Variants in IGSF11 observed in about 807,000 individuals in gnomAD.
IGSF11 encodes the protein CXADR like 1.
IGSF11 carries 22 observed loss-of-function variants against 41.0 expected under a neutral mutation model. The ratio of observed to expected loss-of-function variants is 0.54; its 90% CI spans 0.38 to 0.77. The LOEUF is 0.77. IGSF11 is among the 30% of genes least tolerant of loss of function. The pLI, the probability that IGSF11 is intolerant of heterozygous loss-of-function variation, is 0.00. For missense variants in IGSF11, 444 were observed against 530.8 expected, an observed-to-expected ratio of 0.84 and a Z score of 1.61; for synonymous variants, 219 against 201.3, an observed-to-expected ratio of 1.09 and a Z score of -0.74.
intron 1 of IGSF11, among the ~76,000 whole-genome samples, chr3:119,027,655 T>C (rs1309048842): frequency 1.3e-5 from 2 of 152,234 alleles, no homozygotes; most frequent in East Asian, 3.8e-4. Context: ...TTTTAATTTC[T>C]AATACAGTAT....
At chr3:118,931,298 T>C (rs573272805) in intron 1 of IGSF11, among the ~76,000 whole-genome samples, 1 of 152,344 alleles carries the variant, frequency 6.6e-6, no homozygotes, top group African/African-American at 2.4e-5. Context: ...TTTCGTTTAC[T>C]AGGAATCTAC....
chr3:119,129,955 A>G (rs935774149), intron 1 of IGSF11, among the ~76,000 whole-genome samples: 5 of 152,190 alleles, frequency 3.3e-5, no homozygotes, highest in Non-Finnish European at 7.3e-5. Flanking sequence ...ACTGCACTCC[A>G]GTATGGGCAA....
intron 1 of IGSF11, among the ~76,000 whole-genome samples, chr3:119,019,632 T>C (rs9821173): frequency 0.032 from 4,887 of 152,050 alleles, 242 homozygotes; most frequent in African/African-American, 0.11. Flanking sequence ...GTTGCCCCTA[T>C]AGCCACACCA....
chr3:118,922,138 G>T (rs1441375828), intron 4 of IGSF11, among the ~76,000 whole-genome samples: 1 of 151,870 alleles, frequency 6.6e-6, no homozygotes, highest in East Asian at 1.9e-4. Context: ...CAATCAAAAA[G>T]ACTTTATTCC....
intron 1 of IGSF11, among the ~76,000 whole-genome samples, chr3:119,022,749 C>T (rs1485040558): frequency 6.6e-6 from 1 of 152,128 alleles, no homozygotes; most frequent in African/African-American, 2.4e-5. Context: ...CTAGTGTTCA[C>T]TGACAAGGAT....
At chr3:118,920,346 A>G (rs906603949) in intron 4 of IGSF11, among the ~76,000 whole-genome samples, 2 of 145,468 alleles carry the variant, frequency 1.4e-5, no homozygotes, top group Non-Finnish European at 1.5e-5. Flanking sequence ...TAAATTAAAT[A>G]AATAAATAAA....
intron 1 of IGSF11, among the ~76,000 whole-genome samples, chr3:119,043,915 C>T (rs1021585126): frequency 2.6e-5 from 4 of 152,086 alleles, no homozygotes; most frequent in African/African-American, 9.7e-5. Context: ...GAACAGCAGC[C>T]CTTGAGTTCC....
At chr3:119,000,616 T>C (rs1936724544) in intron 1 of IGSF11, among the ~76,000 whole-genome samples, 1 of 152,120 alleles carries the variant, frequency 6.6e-6, no homozygotes, top group Admixed American at 6.6e-5. Context: ...AAACCACTTC[T>C]CTTTCATCAT....
At chr3:119,119,738 T>A (rs2077307448) in intron 1 of IGSF11, among the ~76,000 whole-genome samples, 1 of 152,156 alleles carries the variant, frequency 6.6e-6, no homozygotes, top group Non-Finnish European at 1.5e-5. Flanking sequence ...CTCACTCTGG[T>A]TCTCCTCAGA....
intron 3 of IGSF11, among the ~76,000 whole-genome samples, chr3:118,927,261 T>C (rs1942408808): frequency 6.6e-6 from 1 of 152,160 alleles, no homozygotes; most frequent in Admixed American, 6.5e-5. Context: ...GGAGGTAGCA[T>C]TAATTATAAA....
At chr3:119,080,690 T>G (rs373186959) in intron 1 of IGSF11, among the ~76,000 whole-genome samples, 15 of 152,314 alleles carry the variant, frequency 9.8e-5, no homozygotes, top group East Asian at 9.6e-4. Context: ...GTGACTTTCC[T>G]ACATAACTAG....
At chr3:119,000,815 G>C (rs1936746058) in intron 1 of IGSF11, among the ~76,000 whole-genome samples, 1 of 152,092 alleles carries the variant, frequency 6.6e-6, no homozygotes, top group Non-Finnish European at 1.5e-5. Flanking sequence ...CCTTGAAGTT[G>C]AATCCTAATA....
chr3:119,047,488 T>C (rs1283235584), intron 1 of IGSF11, among the ~76,000 whole-genome samples: 2 of 152,112 alleles, frequency 1.3e-5, no homozygotes, highest in African/African-American at 4.8e-5. Flanking sequence ...AGCACCCTGA[T>C]TCATAAAGCA....
intron 1 of IGSF11, among the ~76,000 whole-genome samples, chr3:119,004,005 T>G (rs1284228770): frequency 1.3e-5 from 2 of 152,098 alleles, no homozygotes; most frequent in African/African-American, 4.8e-5. Context: ...ATTCCCTCTT[T>G]TTTTATTGAT....
At chr3:119,122,928 G>T (rs1214449140) in intron 1 of IGSF11, among the ~76,000 whole-genome samples, 1 of 152,196 alleles carries the variant, frequency 6.6e-6, no homozygotes, top group East Asian at 1.9e-4. Context: ...AGCTGTGGTG[G>T]CTATGGTGAG....
chr3:119,040,598 T>G (rs1941082686), intron 1 of IGSF11, among the ~76,000 whole-genome samples: 1 of 152,222 alleles, frequency 6.6e-6, no homozygotes, highest in East Asian at 1.9e-4. Context: ...TAGTATTCTG[T>G]CATTAACATA....
chr3:118,933,470 T>TTTTATATATATA (rs1553754814), intron 1 of IGSF11, among the ~76,000 whole-genome samples: 15 of 146,146 alleles, frequency 1.0e-4, no homozygotes, highest in Admixed American at 5.5e-4. Context: ...CATGTATTTT[T>TTTTATATATATA]TATATATATA....
chr3:119,141,042 T>TAAAAAAAAAAAA (rs35323898), intron 1 of IGSF11, among the ~76,000 whole-genome samples: 14 of 99,730 alleles, frequency 1.4e-4, no homozygotes, highest in Middle Eastern at 5.5e-3. Flanking sequence ...TCTGTCTCAT[T>TAAAAAAAAAAAA]AAAAAAAAAA....
intron 1 of IGSF11, among the ~76,000 whole-genome samples, chr3:119,018,786 T>C (rs772805463): frequency 7.2e-5 from 11 of 152,184 alleles, no homozygotes; most frequent in Admixed American, 1.3e-4. Flanking sequence ...GACTGGACAC[T>C]TGTGACACTA....
Sources: allele counts gnomAD v4.1 joint callset (sites outside exome capture counted in the v4.1 genomes callset), GRCh38; gene constraint gnomAD v4.1.1; transcripts MANE v1.5; gene names NCBI Gene and HGNC (gene_info 2026-07-23, HGNC 2026-07-21).